SEMA6D: variants seen among roughly 807,000 people sequenced by gnomAD.
SEMA6D encodes semaphorin-6D.
In SEMA6D, 35 loss-of-function variants were observed where a neutral mutation model predicts 106.6. The observed-to-expected ratio is 0.33, with a 90% CI of 0.25 to 0.44. The LOEUF (loss-of-function observed/expected upper bound fraction) is 0.44, where lower values mean the gene tolerates loss of function less well. Ranked by LOEUF, SEMA6D falls within the 20% of genes least tolerant of loss-of-function variation. SEMA6D has a pLI of 1.00. For synonymous variants in SEMA6D, 499 were observed against 487.7 expected (o/e 1.02, Z -0.31); for missense variants, 1,185 against 1,345.9 (o/e 0.88, Z 1.87).
rs1045908639 is a variant in SEMA6D at position 47,610,389 on chromosome 15, G to A, written c.-55+9493G>A. Among the ~76,000 whole-genome samples the A allele has an allele frequency of 2.0e-5, 3 of 152,128 alleles. No individual in the cohort carries two copies. The East Asian group carries it at 5.8e-4, about 29-fold the overall frequency. ...TCGACACACATGCCCAGCTTTATTT[G>A]AATTCCAACAGTGGATTCACCTTTA... is the stretch of plus-strand genomic sequence containing the variant. On this transcript the variant is annotated intron_variant, in intron 4 of 19. Transcript: ENST00000558014.
At position 47,483,975 on chromosome 15, in the gene SEMA6D, C is replaced by T. The variant is rs140435167; in HGVS notation, c.-87+13430C>T. On this transcript the variant is annotated intron_variant, in intron 3 of 19. Transcript: ENST00000558014. Reference sequence around the variant, plus strand: ...GGGCCCTTGTTGATACATTCTTGGTCTTCCTGTGTGCAAAAATCTTAAAGA... The same window carrying T: ...GGGCCCTTGTTGATACATTCTTGGTTTTCCTGTGTGCAAAAATCTTAAAGA... 2.5e-3 allele frequency among the ~76,000 whole-genome samples: 384 copies of T among 152,210 alleles called. No individual in the cohort carries two copies. In the Middle Eastern group the frequency reaches 0.041, roughly 16 times the overall value.
At chr15:47,281,564 T>C (rs2035117746) in intron 1 of SEMA6D, among the ~76,000 whole-genome samples, 1 of 151,984 alleles carries the variant, frequency 6.6e-6, no homozygotes, top group Admixed American at 6.6e-5. Flanking sequence ...AATTTGATCC[T>C]GTCGTTATGA....
In SEMA6D at chr15:47,761,398, C is replaced by G; in HGVS notation, c.414C>G (p.Thr138=). ...RNDEMVFVCG[T]NAFNPMCRYY... ...ATGAGATGGTTTTTGTTTGTGGTAC[C>G]AATGCATTCAATCCCATGTGTAGAT... Residue 138 remains threonine (T), a synonymous_variant, in exon 6 of 19, where the codon ACC becomes ACG. Coordinates refer to ENST00000536845, the MANE Select transcript of SEMA6D (RefSeq NM_001358351.3). 6.2e-7 allele frequency: 1 copy of G among 1,613,060 alleles called. No individual in the cohort carries two copies. Among genetic ancestry groups the G allele is most frequent in the African/African-American group, 1.3e-5 (1 of 74,990 alleles).
chr15:47,283,320 C>G (rs757308226), intron 1 of SEMA6D, among the ~76,000 whole-genome samples: 2 of 152,132 alleles, frequency 1.3e-5, no homozygotes, highest in Non-Finnish European at 2.9e-5. Flanking sequence ...ATGCCCTATC[C>G]TGAATCATTA....
intron 2 of SEMA6D, 104 bp from the exon 3 acceptor site, chr15:47,760,200 A>G (rs966332494): frequency 2.6e-6 from 2 of 759,674 alleles, no homozygotes; most frequent in African/African-American, 3.5e-5. Flanking sequence ...AGAGGAATTT[A>G]GTTAAAACCC....
chr15:47,260,714 G>A (rs2034032684), intron 1 of SEMA6D, among the ~76,000 whole-genome samples: 1 of 152,122 alleles, frequency 6.6e-6, no homozygotes, highest in Non-Finnish European at 1.5e-5. Context: ...TTGTGTTGGT[G>A]ATTGTCCTGG....
intron 1 of SEMA6D, among the ~76,000 whole-genome samples, chr15:47,239,870 ATTG>A (rs1037403668): frequency 1.3e-5 from 2 of 152,174 alleles, no homozygotes; most frequent in African/African-American, 4.8e-5. Flanking sequence ...AGTAATTTGT[ATTG>A]TTGTTGTTAT....
chr15:47,629,299 A>T (rs1002125888), intron 4 of SEMA6D, among the ~76,000 whole-genome samples: 4 of 151,264 alleles, frequency 2.6e-5, no homozygotes, highest in Admixed American at 2.6e-4. Flanking sequence ...AAGCTTATCT[A>T]TGACTCTAGA....
At chr15:47,429,432 A>C (rs1434299270) in intron 2 of SEMA6D, among the ~76,000 whole-genome samples, 3 of 152,152 alleles carry the variant, frequency 2.0e-5, no homozygotes, top group Non-Finnish European at 4.4e-5. Flanking sequence ...GAGGTCATGA[A>C]GTAAGGAATC....
At chr15:47,504,456 A>T (rs918997) in intron 3 of SEMA6D, among the ~76,000 whole-genome samples, 1 of 152,100 alleles carries the variant, frequency 6.6e-6, no homozygotes, top group African/African-American at 2.4e-5. Flanking sequence ...CAAGGGGCGT[A>T]GGAAGCCTGC....
At chr15:47,596,203 A>G (rs778998329) in intron 3 of SEMA6D, among the ~76,000 whole-genome samples, 2 of 152,100 alleles carry the variant, frequency 1.3e-5, no homozygotes, top group Non-Finnish European at 2.9e-5. Context: ...TACAAAAACT[A>G]AAATACCTAG....
chr15:47,288,942 T>C (rs1313457167), intron 1 of SEMA6D, among the ~76,000 whole-genome samples: 1 of 152,166 alleles, frequency 6.6e-6, no homozygotes, highest in Non-Finnish European at 1.5e-5. Context: ...CCATTTACTT[T>C]TCCTGTTTGG....
At chr15:47,648,132 A>T (rs143194547) in intron 4 of SEMA6D, among the ~76,000 whole-genome samples, 1,604 of 152,252 alleles carry the variant, frequency 0.011, 18 homozygotes, top group South Asian at 0.044. Context: ...TATAATATTG[A>T]TGATACAAAA....
At chr15:47,551,337 G>A (rs1434678984) in intron 3 of SEMA6D, among the ~76,000 whole-genome samples, 1 of 152,134 alleles carries the variant, frequency 6.6e-6, no homozygotes, top group Non-Finnish European at 1.5e-5. Context: ...GGGGCAGGTT[G>A]CAGAGTTGGG....
At chr15:47,760,041 A>G in intron 2 of SEMA6D, 134 bp downstream of exon 2, 1 of 735,848 alleles carries the variant, frequency 1.4e-6, no homozygotes, top group Non-Finnish European at 2.2e-6. Context: ...TGAGTTTATC[A>G]GTAATCATTT....
intron 4 of SEMA6D, among the ~76,000 whole-genome samples, chr15:47,689,156 G>A (rs1055454677): frequency 6.6e-6 from 1 of 152,152 alleles, no homozygotes; most frequent in African/African-American, 2.4e-5. Context: ...TAATTTATCA[G>A]TAATATCTGT....
At chr15:47,350,070 T>C (rs2038255800) in intron 1 of SEMA6D, among the ~76,000 whole-genome samples, 1 of 152,220 alleles carries the variant, frequency 6.6e-6, no homozygotes, top group African/African-American at 2.4e-5. Flanking sequence ...TTTTTGTGTG[T>C]GCACATATAT....
At chr15:47,566,022 C>T (rs1421948604) in intron 3 of SEMA6D, among the ~76,000 whole-genome samples, 1 of 152,176 alleles carries the variant, frequency 6.6e-6, no homozygotes, top group Non-Finnish European at 1.5e-5. Flanking sequence ...ACTTATTATA[C>T]AGGGATATAG....
Position 47,766,689 on chromosome 15 carries a change from T to G in SEMA6D, c.1708+12T>G, listed in dbSNP as rs769422841. 3 of 1,561,198 alleles carry G rather than the reference T, an allele frequency of 1.9e-6. No homozygotes were observed. Among genetic ancestry groups the G allele is most frequent in the Non-Finnish European group, 2.6e-6 (3 of 1,133,206 alleles). On this transcript the variant is annotated intron_variant, in intron 16 of 18. Transcript: ENST00000536845. Reference sequence around the variant, plus strand: ...AGGGGACTGCCATGGTAAGACAGAATCTTCCATTCCCACCTGGAGCTTCTT... The same window carrying G: ...AGGGGACTGCCATGGTAAGACAGAAGCTTCCATTCCCACCTGGAGCTTCTT...
Sources: gnomAD v4.1 joint callset for allele counts (sites outside exome capture counted in the v4.1 genomes callset) on GRCh38, gnomAD v4.1.1 for gene constraint, MANE v1.5 for transcripts, NCBI Gene and HGNC (gene_info 2026-07-23, HGNC 2026-07-21) for gene names.